AP4S1: variants seen among roughly 807,000 people sequenced by gnomAD.
The protein encoded by AP4S1 is adaptor related protein complex 4 subunit sigma 1.
AP4S1 carries 23 observed loss-of-function variants against 19.8 expected under a neutral mutation model. The ratio of observed to expected loss-of-function variants is 1.16; its 90% CI spans 0.84 to 1.65. AP4S1 has a LOEUF of 1.65. AP4S1 is among the 40% of genes most tolerant of loss of function. AP4S1 has a pLI of 0.00. For missense variants in AP4S1, 166 were observed against 172.8 expected, an observed-to-expected ratio of 0.96 and a Z score of 0.22; for synonymous variants, 46 against 54.1, an observed-to-expected ratio of 0.85 and a Z score of 0.66.
At chr14:31,061,612 A>G (rs973288978) in intron 1 of AP4S1, among the ~76,000 whole-genome samples, 1 of 151,798 alleles carries the variant, frequency 6.6e-6, no homozygotes, top group African/African-American at 2.4e-5. Context: ...GACACCTAAT[A>G]TTTGTGAATC....
At chr14:31,026,122 G>C (rs751141761) in intron 1 of AP4S1, 1 of 1,504,992 alleles carries the variant, frequency 6.6e-7, no homozygotes, top group South Asian at 1.2e-5. Context: ...CCAGGTCCCT[G>C]CTGCTGCCGG....
At chr14:31,085,170 C>T in intron 5 of AP4S1, 1 of 1,190,146 alleles carries the variant, frequency 8.4e-7, no homozygotes. Flanking sequence ...GGGGCAGATG[C>T]CCACCAGCCC....
intron 5 of AP4S1, chr14:31,084,886 G>C (rs2139116269): frequency 6.2e-7 from 1 of 1,614,172 alleles, no homozygotes; most frequent in East Asian, 2.2e-5. Context: ...CTACTGAATA[G>C]CCAGGGGAGG....
chr14:31,093,131 A>G lies in AP4S1; in HGVS notation c.*96A>G. ...AACCCAGAAGAATCTGGAAGACCAC[A>G]ATTACAAAATGGGGTATCCTTCCAA... is the stretch of plus-strand genomic sequence containing the variant. On this transcript the variant is annotated 3_prime_UTR_variant, in exon 6 of 6. Coordinates refer to ENST00000542754, the MANE Select transcript of AP4S1 (RefSeq NM_001128126.3). The G allele has an allele frequency of 3.2e-6, 4 of 1,268,216 alleles. No homozygotes were observed. Among genetic ancestry groups the G allele is most frequent in the Non-Finnish European group, 4.3e-6 (4 of 938,516 alleles). The allele number at this position is 1,268,216 out of a possible 1,614,324, so 78.6% of individuals were successfully genotyped here.
intron 1 of AP4S1, among the ~76,000 whole-genome samples, chr14:31,033,431 C>T (rs549292632): frequency 3.1e-4 from 47 of 152,126 alleles, no homozygotes; most frequent in African/African-American, 1.1e-3. Context: ...CCAGGCTGGC[C>T]TTGAACTCCT....
intron 4 of AP4S1, among the ~76,000 whole-genome samples, chr14:31,074,002 A>G (rs1186927944): frequency 2.0e-5 from 3 of 152,058 alleles, no homozygotes; most frequent in African/African-American, 7.2e-5. Context: ...CTATATTGAA[A>G]TATATTTTAT....
chr14:31,093,168 A>G lies in AP4S1; in HGVS notation c.*133A>G. ...GGGTATCCTTCCAAAGACATTATAA[A>G]TAGGCATTTTCCACAGTTCCTAAAA... On this transcript the variant is annotated 3_prime_UTR_variant, in exon 6 of 6. Coordinates refer to ENST00000542754, the MANE Select transcript of AP4S1 (RefSeq NM_001128126.3). 2.3e-6 allele frequency: 2 copies of G among 870,148 alleles called. No individual in the cohort carries two copies. The highest frequency in any genetic ancestry group is 1.8e-5 in the African/African-American group (1 of 56,104). The allele number at this position is 870,148 out of a possible 1,614,324, so 53.9% of individuals were successfully genotyped here.
chr14:31,061,090 C>T (rs1344990004), intron 1 of AP4S1, among the ~76,000 whole-genome samples: 1 of 152,068 alleles, frequency 6.6e-6, no homozygotes, highest in Non-Finnish European at 1.5e-5. Context: ...CGAGTTTCAC[C>T]ATGAGGTCTG....
intron 1 of AP4S1, among the ~76,000 whole-genome samples, chr14:31,036,885 C>A (rs956082846): frequency 2.0e-5 from 3 of 152,098 alleles, no homozygotes; most frequent in Non-Finnish European, 4.4e-5. Context: ...GCAATCTCGG[C>A]TCCTGTAACC....
intron 5 of AP4S1, among the ~76,000 whole-genome samples, chr14:31,089,641 G>A (rs181438341): frequency 2.0e-5 from 3 of 152,302 alleles, no homozygotes; most frequent in East Asian, 1.9e-4. Context: ...GGGGCCAGGC[G>A]TGGTGGCTCA....
At chr14:31,080,538 T>C in intron 4 of AP4S1, 35 bp from the exon 5 acceptor site, 8 of 1,564,056 alleles carry the variant, frequency 5.1e-6, no homozygotes, top group Non-Finnish European at 6.2e-6. Context: ...CCAGTGTCTT[T>C]TTTCTAACCC....
Position 31,063,758 on chromosome 14 carries a change from CTAAA to C in AP4S1, c.-71-2363_-71-2360del, listed in dbSNP as rs546469285. On this transcript the variant is annotated intron_variant, in intron 1 of 5. Coordinates refer to ENST00000542754, the MANE Select transcript of AP4S1 (RefSeq NM_001128126.3). The stretch of plus-strand genomic sequence containing the variant: ...ACATTAGTGGAAGAATCGATGAACT[CTAAA>C]TAAAGTCTGGAGTTAATAATAATGT... Among the ~76,000 whole-genome samples the C allele has an allele frequency of 4.6e-3, 697 of 152,266 alleles. 7 individuals are homozygous for C. Among genetic ancestry groups the C allele is most frequent in the African/African-American group, 0.016 (666 of 41,550 alleles).
intron 2 of AP4S1, among the ~76,000 whole-genome samples, chr14:31,067,516 A>AT (rs1243393448): frequency 0.11 from 13,632 of 127,162 alleles, 870 homozygotes; most frequent in South Asian, 0.25. Flanking sequence ...AGTGAGAACA[A>AT]TTTTTTTTTT....
intron 1 of AP4S1, among the ~76,000 whole-genome samples, chr14:31,048,791 G>A (rs1037025437): frequency 5.3e-5 from 8 of 152,178 alleles, no homozygotes; most frequent in Admixed American, 2.0e-4. Flanking sequence ...CAAAATAATG[G>A]TTCTTCCGTA....
intron 1 of AP4S1, among the ~76,000 whole-genome samples, chr14:31,050,987 G>A: frequency 6.6e-6 from 1 of 151,956 alleles, no homozygotes. Context: ...TGGGCTCGGT[G>A]GCCCATGACT....
intron 1 of AP4S1, among the ~76,000 whole-genome samples, chr14:31,061,466 C>T (rs1185358489): frequency 5.3e-5 from 8 of 152,188 alleles, no homozygotes; most frequent in African/African-American, 1.7e-4. Flanking sequence ...CAAACTGACT[C>T]TTAACAGACA....
At chr14:31,067,447 G>A (rs961715917) in intron 2 of AP4S1, among the ~76,000 whole-genome samples, 5 of 115,788 alleles carry the variant, frequency 4.3e-5, no homozygotes, top group East Asian at 2.5e-4. Flanking sequence ...CACAGGCCCC[G>A]GTTTGTGATG....
At chr14:31,071,916 TATTTGA>T (rs1566536862) in intron 3 of AP4S1, among the ~76,000 whole-genome samples, 20 of 96,644 alleles carry the variant, frequency 2.1e-4, no homozygotes, top group South Asian at 4.8e-4. Flanking sequence ...TTTATTTATT[TATTTGA>T]TTTTTTTTGG....
At chr14:31,066,447 A>G (rs1886721819) in intron 2 of AP4S1, 113 bp downstream of exon 2, 7 of 1,370,060 alleles carry the variant, frequency 5.1e-6, no homozygotes, top group South Asian at 4.7e-5. Flanking sequence ...TTCAACAGCT[A>G]CTAAAGAAAA....
Sources: gnomAD v4.1 joint callset for allele counts (sites outside exome capture counted in the v4.1 genomes callset) on GRCh38, gnomAD v4.1.1 for gene constraint, MANE v1.5 for transcripts, NCBI Gene and HGNC (gene_info 2026-07-23, HGNC 2026-07-21) for gene names.